Variants in METTL22 observed in about 807,000 individuals in gnomAD.
The protein encoded by METTL22 is methyltransferase-like protein 22.
METTL22 carries 51 observed loss-of-function variants against 48.4 expected under a neutral mutation model. That is an observed-to-expected ratio of 1.05 (90% confidence interval 0.84 to 1.33). METTL22 has a LOEUF of 1.33. Ranked by LOEUF, METTL22 falls within the 40% of genes most tolerant of loss-of-function variation. METTL22 has a pLI of 0.00. For missense variants in METTL22, 678 were observed against 526.9 expected, an observed-to-expected ratio of 1.29 and a Z score of -2.81; for synonymous variants, 255 against 214.1, an observed-to-expected ratio of 1.19 and a Z score of -1.67.
downstream of METTL22, among the ~76,000 whole-genome samples, chr16:8,650,678 G>A (rs926966530): frequency 6.6e-6 from 1 of 152,166 alleles, no homozygotes; most frequent in Non-Finnish European, 1.5e-5. Flanking sequence ...TACACATTCT[G>A]TGTATATAAA....
At chr16:8,638,650 C>G (rs77812147) in intron 5 of METTL22, among the ~76,000 whole-genome samples, 5 of 152,092 alleles carry the variant, frequency 3.3e-5, no homozygotes, top group African/African-American at 9.7e-5. Flanking sequence ...TGTCAAAGAA[C>G]GAGCCTAAAT....
At chr16:8,651,386 C>CAAAAAAAAAAAAAAAAAAAA (rs768911703), downstream of METTL22, among the ~76,000 whole-genome samples, 4 of 49,070 alleles carry the variant, frequency 8.2e-5, no homozygotes, top group African/African-American at 2.5e-4. Context: ...GACTCTGTCT[C>CAAAAAAAAAAAAAAAAAAAA]AAAAAAAAAA....
intron 7 of METTL22, chr16:8,641,411 G>A (rs1329856681): frequency 7.9e-6 from 5 of 636,290 alleles, no homozygotes; most frequent in South Asian, 7.6e-5. Flanking sequence ...AGGTGTTGTG[G>A]TTTCCCTGTG....
intron 10 of METTL22, 94 bp downstream of exon 10, chr16:8,644,819 C>T (rs991875729): frequency 1.5e-6 from 2 of 1,311,828 alleles, no homozygotes; most frequent in African/African-American, 1.5e-5. Flanking sequence ...CCTCCAAGCA[C>T]AGGCTCCACC....
At chr16:8,626,509 C>G (rs2056058252) in intron 2 of METTL22, among the ~76,000 whole-genome samples, 1 of 144,926 alleles carries the variant, frequency 6.9e-6, no homozygotes, top group South Asian at 2.2e-4. Flanking sequence ...AGTGCAGTGG[C>G]GCGACCTCGG....
the METTL22 span, among the ~76,000 whole-genome samples, chr16:8,663,249 C>T: frequency 6.7e-6 from 1 of 149,510 alleles, no homozygotes; most frequent in Admixed American, 6.7e-5. Context: ...TCATCATCAT[C>T]ATCTCCCTAT....
chr16:8,627,664 T>A (rs1352194975), intron 2 of METTL22, among the ~76,000 whole-genome samples: 3 of 152,136 alleles, frequency 2.0e-5, no homozygotes, highest in Non-Finnish European at 4.4e-5. Context: ...GCCCAGTCAT[T>A]AACGTGTTTT....
At chr16:8,623,665 C>T (rs1413333086) in intron 1 of METTL22, 1 of 152,210 alleles carries the variant, frequency 6.6e-6, no homozygotes, top group Non-Finnish European at 1.5e-5. Context: ...AACCCACTTG[C>T]ATTTTGATGG....
rs1161221590 is a variant in METTL22, at chr16:8,646,468, G to C, written c.*325G>C. 5.1e-6 allele frequency: 3 copies of C among 586,320 alleles called. No homozygotes were observed. Among genetic ancestry groups the C allele is most frequent in the African/African-American group, 3.7e-5 (2 of 54,658 alleles). 36.3% of individuals were successfully genotyped at this position (586,320 alleles called of 1,614,324 possible). A position where few individuals can be genotyped will look rare whatever the true frequency, so the allele number is the denominator to read the frequency against. Reference sequence around the variant, plus strand: ...ATTTCAGCTGTGTGCTTTACTTGCGGTTGCGGCCCTGGCTGTGAGGTGGAT... The same window carrying C: ...ATTTCAGCTGTGTGCTTTACTTGCGCTTGCGGCCCTGGCTGTGAGGTGGAT... On this transcript the variant is annotated 3_prime_UTR_variant, in exon 11 of 11. Coordinates refer to ENST00000381920, the MANE Select transcript of METTL22 (RefSeq NM_024109.4).
chr16:8,624,644 T>C (rs756645441), intron 1 of METTL22, among the ~76,000 whole-genome samples: 1 of 151,940 alleles, frequency 6.6e-6, no homozygotes, highest in Non-Finnish European at 1.5e-5. Context: ...TATGGGAGGA[T>C]GGCTTGAGCC....
the METTL22 span, among the ~76,000 whole-genome samples, chr16:8,661,959 A>G: frequency 1.4e-4 from 21 of 145,210 alleles, 5 homozygotes; most frequent in African/African-American, 5.2e-4. Flanking sequence ...AGTAGCAAGA[A>G]TGGGCTTGGC....
chr16:8,657,075 C>T, the METTL22 span, among the ~76,000 whole-genome samples: 1 of 152,292 alleles, frequency 6.6e-6, no homozygotes, highest in Admixed American at 6.5e-5. Context: ...AATAGGAATA[C>T]ACTTCATCAT....
chr16:8,658,015 C>G, the METTL22 span, among the ~76,000 whole-genome samples: 5 of 152,004 alleles, frequency 3.3e-5, no homozygotes, highest in Middle Eastern at 3.2e-3. Context: ...CGGGGTTTCA[C>G]CATGTTGCCC....
chr16:8,641,470 C>T, intron 7 of METTL22: 1 of 561,922 alleles, frequency 1.8e-6, no homozygotes, highest in Non-Finnish European at 3.4e-6. Flanking sequence ...CCCATGGGCA[C>T]AGCTGGTACA....
intron 9 of METTL22, among the ~76,000 whole-genome samples, chr16:8,643,763 G>A (rs1000167666): frequency 1.3e-5 from 2 of 152,046 alleles, no homozygotes; most frequent in African/African-American, 4.8e-5. Flanking sequence ...ACAGGCATGC[G>A]TCACCACACC....
chr16:8,634,263 C>T (rs1449844377), intron 3 of METTL22, among the ~76,000 whole-genome samples: 1 of 152,126 alleles, frequency 6.6e-6, no homozygotes, highest in Non-Finnish European at 1.5e-5. Context: ...TTTCCTGGTT[C>T]GGGGACAGAC....
At chr16:8,631,128 C>T (rs2056246307) in intron 3 of METTL22, 1 of 152,192 alleles carries the variant, frequency 6.6e-6, no homozygotes, top group Admixed American at 6.5e-5. Context: ...ACGTCATTCG[C>T]CTCACAACCC....
intron 6 of METTL22, chr16:8,639,435 G>A: frequency 1.9e-6 from 1 of 519,866 alleles, no homozygotes; most frequent in East Asian, 3.3e-5. Context: ...GGTCTCCCCA[G>A]CTCCTTAGTT....
intron 7 of METTL22, chr16:8,641,690 G>A (rs2056623416): frequency 2.6e-6 from 1 of 386,498 alleles, no homozygotes; most frequent in Non-Finnish European, 4.9e-6. Flanking sequence ...GTCGTTCCTT[G>A]AGTACTGGTC....
Sources: allele counts gnomAD v4.1 joint callset (sites outside exome capture counted in the v4.1 genomes callset), GRCh38; gene constraint gnomAD v4.1.1; transcripts MANE v1.5; gene names NCBI Gene and HGNC (gene_info 2026-07-23, HGNC 2026-07-21).